HCN1: variants seen among roughly 807,000 people sequenced by gnomAD.
The protein encoded by HCN1 is potassium/sodium hyperpolarization-activated cyclic nucleotide-gated channel 1.
Under a neutral mutation model 78.9 loss-of-function variants are expected in HCN1, and 13 were observed. That is an observed-to-expected ratio of 0.16 (90% CI 0.11 to 0.26). The LOEUF (loss-of-function observed/expected upper bound fraction) is 0.26, where lower values mean the gene tolerates loss of function less well. Among genes scored for constraint, HCN1 ranks in the 10% least tolerant of loss-of-function variants. The pLI is 1.00. For synonymous variants in HCN1, 552 were observed against 455.5 expected, an observed-to-expected ratio of 1.21 and a Z score of -2.70; for missense variants, 810 against 1,154.3, an observed-to-expected ratio of 0.70 and a Z score of 4.32.
rs1561079455 is a variant in HCN1 at position 45,262,669 on chromosome 5, G to A, written c.1925C>T (p.Pro642Leu). The change falls in exon 8 of 8, where the codon CCT becomes CTT. Residue 642 changes from proline to leucine, a missense_variant. Coordinates refer to ENST00000303230, the MANE Select transcript of HCN1 (RefSeq NM_021072.4). ...TGTGGAATTCAGGGTTGTCATTTGA[G>A]GATAATTGATGGGAGCGATTGCCTG... ...MVQAIAPINYPQMTTLNSTSS... is the reference protein window; with the variant it reads ...MVQAIAPINYLQMTTLNSTSS... 6.2e-7 allele frequency: 1 copy of A among 1,613,976 alleles called. No homozygotes were observed. The highest frequency in any genetic ancestry group is 1.7e-5 in the Admixed American group (1 of 59,988).
chr5:45,372,091 A>ATTATATATTATATATAATATAAT, intron 4 of HCN1, among the ~76,000 whole-genome samples: 1 of 58,784 alleles, frequency 1.7e-5, no homozygotes, highest in Non-Finnish European at 2.7e-5. Flanking sequence ...ATATAATTAT[A>ATTATATATTATATATAATATAAT]TATATATTTT....
intron 2 of HCN1, among the ~76,000 whole-genome samples, chr5:45,504,222 G>A (rs1406851069): frequency 6.6e-6 from 1 of 151,988 alleles, no homozygotes; most frequent in Non-Finnish European, 1.5e-5. Context: ...TTTACATTAG[G>A]TATATCTCCT....
At chr5:45,338,669 C>T (rs1452793059) in intron 5 of HCN1, among the ~76,000 whole-genome samples, 2 of 152,092 alleles carry the variant, frequency 1.3e-5, no homozygotes, top group African/African-American at 4.8e-5. Flanking sequence ...CCTCCTCTCC[C>T]AAGTGAAACA....
chr5:45,683,014 C>G (rs1476885350), intron 1 of HCN1, among the ~76,000 whole-genome samples: 2 of 152,062 alleles, frequency 1.3e-5, no homozygotes, highest in East Asian at 3.9e-4. Flanking sequence ...GAATAATTTA[C>G]AGTCTTTAGT....
At chr5:45,670,093 T>C (rs1361903107) in intron 1 of HCN1, among the ~76,000 whole-genome samples, 1 of 151,574 alleles carries the variant, frequency 6.6e-6, no homozygotes, top group Non-Finnish European at 1.5e-5. Context: ...GTGGAAAATG[T>C]AGTCATAGAT....
At position 45,379,992 on chromosome 5, in the gene HCN1, G is replaced by T. The variant is rs114271090; in HGVS notation, c.1230+16500C>A. ...TGTAAATATATTCAATATATATTAA[G>T]TAAATAAGAGAGAACTTGAGGAACA... On this transcript the variant is annotated intron_variant, in intron 4 of 7. Coordinates refer to ENST00000303230, the MANE Select transcript of HCN1 (RefSeq NM_021072.4). Among the ~76,000 whole-genome samples the T allele has an allele frequency of 2.8e-3, 426 of 152,110 alleles. 6 individuals are homozygous for T. Among genetic ancestry groups the T allele is most frequent in the African/African-American group, 9.5e-3 (394 of 41,524 alleles).
At chr5:45,475,762 T>C (rs1456772033) in intron 2 of HCN1, among the ~76,000 whole-genome samples, 1 of 152,126 alleles carries the variant, frequency 6.6e-6, no homozygotes, top group East Asian at 1.9e-4. Flanking sequence ...TAAGAGAAGA[T>C]AGTATTTTAT....
chr5:45,634,433 G>A (rs1264033890), intron 2 of HCN1, among the ~76,000 whole-genome samples: 1 of 151,966 alleles, frequency 6.6e-6, no homozygotes, highest in Non-Finnish European at 1.5e-5. Flanking sequence ...AAATGTTTGA[G>A]AGCAGAAAAC....
chr5:45,425,430 A>G (rs1439329870), intron 3 of HCN1, among the ~76,000 whole-genome samples: 1 of 152,246 alleles, frequency 6.6e-6, no homozygotes, highest in Admixed American at 6.5e-5. Flanking sequence ...TTGTTAACAT[A>G]TTAGTAATCA....
rs945053714 is a variant in HCN1 at position 45,616,984 on chromosome 5, ATGT to A, written c.849+28198_849+28200del. Among the ~76,000 whole-genome samples, 9 of 152,190 alleles carry A rather than the reference ATGT, an allele frequency of 5.9e-5. No homozygotes were observed. The South Asian group carries it at 1.9e-3, about 31-fold the overall frequency. On this transcript the variant is annotated intron_variant, in intron 2 of 7. Transcript: ENST00000303230. ...CTGTGACAAAGGCAAGTCTGTGGAA[ATGT>A]TGTTATCATTTATAATGGCAAACTT... is the stretch of plus-strand genomic sequence containing the variant.
chr5:45,325,264 A>T (rs1246112843), intron 5 of HCN1, among the ~76,000 whole-genome samples: 1 of 151,644 alleles, frequency 6.6e-6, no homozygotes, highest in East Asian at 1.9e-4. Context: ...GATTCACATA[A>T]CTCTTTAGGG....
rs1745181621 is a variant in HCN1, at chr5:45,282,108, AAT to A, written c.1619-14857_1619-14856del. On this transcript the variant is annotated intron_variant, in intron 6 of 7. Transcript: ENST00000303230. ...ATCAAATATCATTAATAAATTTTGC[AAT>A]ATGTTTTCCACCATATAATGATATG... is the stretch of plus-strand genomic sequence containing the variant. Among the ~76,000 whole-genome samples, 4 of 152,308 alleles carry A rather than the reference AAT, an allele frequency of 2.6e-5. No individual in the cohort carries two copies. In the South Asian group the frequency reaches 8.3e-4, roughly 32 times the overall value.
At chr5:45,351,918 C>G (rs992017659) in intron 5 of HCN1, among the ~76,000 whole-genome samples, 2 of 152,168 alleles carry the variant, frequency 1.3e-5, no homozygotes, top group African/African-American at 4.8e-5. Context: ...AACACTTTTA[C>G]ACTGTTGGCG....
chr5:45,290,363 A>G (rs1268853574), intron 6 of HCN1, among the ~76,000 whole-genome samples: 1 of 152,048 alleles, frequency 6.6e-6, no homozygotes, highest in Non-Finnish European at 1.5e-5. Context: ...ATTACCTTCC[A>G]GAGGCCCCAC....
intron 2 of HCN1, among the ~76,000 whole-genome samples, chr5:45,537,518 T>C (rs10043792): frequency 0.43 from 54,253 of 125,764 alleles, 14,125 homozygotes; most frequent in Non-Finnish European, 0.57. Context: ...AAAGCAACTC[T>C]AAGTCTTTTT....
At chr5:45,486,968 A>T (rs1380080006) in intron 2 of HCN1, among the ~76,000 whole-genome samples, 3 of 152,086 alleles carry the variant, frequency 2.0e-5, no homozygotes, top group African/African-American at 7.2e-5. Context: ...TACAGTCTCT[A>T]CTGCCTAATT....
chr5:45,310,544 G>C (rs541477331), intron 5 of HCN1, among the ~76,000 whole-genome samples: 5 of 152,204 alleles, frequency 3.3e-5, no homozygotes, highest in African/African-American at 1.2e-4. Flanking sequence ...TGGATAAAAA[G>C]GAACGTTTAT....
rs114271090 is a variant in HCN1, at chr5:45,379,992, G to A, written c.1230+16500C>T. On this transcript the variant is annotated intron_variant, in intron 4 of 7. Transcript: ENST00000303230. Reference sequence around the variant, plus strand: ...TGTAAATATATTCAATATATATTAAGTAAATAAGAGAGAACTTGAGGAACA... The same window carrying A: ...TGTAAATATATTCAATATATATTAAATAAATAAGAGAGAACTTGAGGAACA... Among the ~76,000 whole-genome samples the A allele has an allele frequency of 2.0e-5, 3 of 151,998 alleles. No individual in the cohort carries two copies. The East Asian group carries it at 5.8e-4, about 29-fold the overall frequency.
chr5:45,542,596 G>A (rs1743127576), intron 2 of HCN1, among the ~76,000 whole-genome samples: 1 of 152,128 alleles, frequency 6.6e-6, no homozygotes, highest in Non-Finnish European at 1.5e-5. Flanking sequence ...GAGCAGACCA[G>A]CAAAAGTGTT....
Sources: gnomAD v4.1 joint callset for allele counts (sites outside exome capture counted in the v4.1 genomes callset) on GRCh38, gnomAD v4.1.1 for gene constraint, MANE v1.5 for transcripts, NCBI Gene and HGNC (gene_info 2026-07-23, HGNC 2026-07-21) for gene names.